Variants in PKD1L1 observed in about 807,000 individuals in gnomAD.
PKD1L1 encodes polycystin 1 like 1, transient receptor potential channel interacting.
In PKD1L1, 236 loss-of-function variants were observed where a neutral mutation model predicts 323.4. The observed-to-expected ratio is 0.73, with a 90% confidence interval of 0.66 to 0.81. The LOEUF (loss-of-function observed/expected upper bound fraction) is 0.81. PKD1L1 is among the 40% of genes least tolerant of loss of function. The pLI, the probability that PKD1L1 is intolerant of heterozygous loss-of-function variation, is 0.00. For missense variants in PKD1L1, 3,320 were observed against 3,508.0 expected (o/e 0.95, Z 1.35); for synonymous variants, 1,344 against 1,335.0 (o/e 1.01, Z -0.15).
rs145760521 is a variant in PKD1L1 at position 47,890,190 on chromosome 7, C to A, written c.2675+352G>T. ...TGGCCCTGAAACCCCTGGCTGGGAA[C>A]TTGATGGCTTTGCCTCCTGGCTTCA... On this transcript the variant is annotated intron_variant, in intron 16 of 56. Coordinates refer to ENST00000289672, the MANE Select transcript of PKD1L1 (RefSeq NM_138295.5). Among the ~76,000 whole-genome samples the A allele has an allele frequency of 2.6e-3, 391 of 152,332 alleles. 1 individual carries two copies. The highest frequency in any genetic ancestry group is 3.6e-3 in the Non-Finnish European group (243 of 68,040).
In PKD1L1 at chr7:47,934,752, G is replaced by T. The variant is rs1043285076; in HGVS notation, c.398+2094C>A. Reference sequence around the variant, plus strand: ...GTAAAGGGCCTCAGAACAGGGACTGGCTTGGGGGTGGGGGGATTGCGCTCA... The same window carrying T: ...GTAAAGGGCCTCAGAACAGGGACTGTCTTGGGGGTGGGGGGATTGCGCTCA... On this transcript the variant is annotated intron_variant, in intron 4 of 56. Transcript: ENST00000289672. Among the ~76,000 whole-genome samples, 7 of 152,262 alleles carry T rather than the reference G, an allele frequency of 4.6e-5. No homozygotes were observed. In the East Asian group the frequency reaches 1.4e-3, roughly 29 times the overall value.
intron 27 of PKD1L1, among the ~76,000 whole-genome samples, chr7:47,858,100 C>T (rs920082022): frequency 7.9e-5 from 12 of 151,888 alleles, no homozygotes; most frequent in Non-Finnish European, 1.2e-4. Context: ...AGTAGCCATC[C>T]GTTAAATAAG....
At chr7:47,832,165 A>G (rs1785360393) in intron 41 of PKD1L1, among the ~76,000 whole-genome samples, 2 of 152,184 alleles carry the variant, frequency 1.3e-5, no homozygotes, top group Admixed American at 1.3e-4. Context: ...GCTGAACATA[A>G]ATCAAAGAAT....
At chr7:47,871,651 A>G (rs1786281513) in intron 24 of PKD1L1, among the ~76,000 whole-genome samples, 1 of 152,166 alleles carries the variant, frequency 6.6e-6, no homozygotes, top group African/African-American at 2.4e-5. Flanking sequence ...TAACAAATTA[A>G]TGGACTAAGG....
chr7:47,820,509 G>A lies in PKD1L1; in HGVS notation c.6965+567C>T, dbSNP rs141977594. 4.5e-3 allele frequency among the ~76,000 whole-genome samples: 690 copies of A among 152,280 alleles called. 7 individuals are homozygous for A. The highest frequency in any genetic ancestry group is 0.015 in the African/African-American group (643 of 41,558). ...GGAGGCCGAGGCGGGTGGATCACTT[G>A]AGGTCAGGAGTTCAAGACCAGCCTG... On this transcript the variant is annotated intron_variant, in intron 46 of 56. Coordinates refer to ENST00000289672, the MANE Select transcript of PKD1L1 (RefSeq NM_138295.5).
chr7:47,795,970 C>A lies in PKD1L1; in HGVS notation c.8355+19G>T, dbSNP rs375149947. ...AGTGTGTGCTATCATGCTCAGTAAT[C>A]CAAGATCTCACAGCTTACGTGATTC... On this transcript the variant is annotated intron_variant, in intron 55 of 56. Transcript: ENST00000289672. The A allele has an allele frequency of 1.2e-5, 20 of 1,605,546 alleles. No homozygotes were observed. The African/African-American group carries it at 2.4e-4, about 19-fold the overall frequency.
At chr7:47,945,190 G>A (rs1454955022) in intron 1 of PKD1L1, among the ~76,000 whole-genome samples, 2 of 152,196 alleles carry the variant, frequency 1.3e-5, no homozygotes, top group African/African-American at 2.4e-5. Context: ...TAAATGCTTG[G>A]TAACCAGCTG....
chr7:47,783,344 A>G (rs1562928176), intron 56 of PKD1L1, among the ~76,000 whole-genome samples: 1 of 152,234 alleles, frequency 6.6e-6, no homozygotes, highest in South Asian at 2.1e-4. Flanking sequence ...TACACAGAGT[A>G]AAAAAGAAGA....
chr7:47,804,523 G>A (rs546515318), intron 52 of PKD1L1, among the ~76,000 whole-genome samples: 3 of 142,984 alleles, frequency 2.1e-5, no homozygotes, highest in East Asian at 2.1e-4. Flanking sequence ...CCAGGCTTGA[G>A]TGGCAGGATC....
At chr7:47,828,698 C>A (rs946881965) in intron 44 of PKD1L1, among the ~76,000 whole-genome samples, 7 of 152,206 alleles carry the variant, frequency 4.6e-5, no homozygotes, top group African/African-American at 1.7e-4. Context: ...CACCCATCTT[C>A]AGCAGCAGCA....
At chr7:47,798,761 A>G (rs1231963491) in intron 54 of PKD1L1, among the ~76,000 whole-genome samples, 1 of 150,998 alleles carries the variant, frequency 6.6e-6, no homozygotes, top group Non-Finnish European at 1.5e-5. Flanking sequence ...TCTCAAAAAA[A>G]AAAAACAAAA....
At chr7:47,957,927 A>G in the PKD1L1 span, among the ~76,000 whole-genome samples, 1 of 150,270 alleles carries the variant, frequency 6.7e-6, no homozygotes, top group Non-Finnish European at 1.5e-5. Flanking sequence ...TGAAAACTAT[A>G]AAACACTGAT....
intron 1 of PKD1L1, among the ~76,000 whole-genome samples, chr7:47,945,404 C>A (rs1196063846): frequency 6.6e-6 from 1 of 152,124 alleles, no homozygotes; most frequent in Non-Finnish European, 1.5e-5. Context: ...CACCAGAGGG[C>A]AGACGAGGAC....
At chr7:47,956,234 C>G in the PKD1L1 span, among the ~76,000 whole-genome samples, 1 of 152,186 alleles carries the variant, frequency 6.6e-6, no homozygotes, top group African/African-American at 2.4e-5. Flanking sequence ...TAGCACCGCA[C>G]TTGGAGAATT....
At chr7:47,796,262 G>A (rs1017541511) in intron 54 of PKD1L1, 112 bp from the exon 55 acceptor site, 4 of 1,032,462 alleles carry the variant, frequency 3.9e-6, no homozygotes, top group Non-Finnish European at 5.4e-6. Flanking sequence ...GCTACTTTAC[G>A]AGCTTTTGGT....
At chr7:47,921,238 C>CAAAAAAAAAAAAAAAAA (rs139205889) in intron 7 of PKD1L1, among the ~76,000 whole-genome samples, 2 of 79,594 alleles carry the variant, frequency 2.5e-5, no homozygotes, top group Non-Finnish European at 2.3e-5. Flanking sequence ...AGACAATTCT[C>CAAAAAAAAAAAAAAAAA]AAAAAAAAAA....
Position 47,873,907 on chromosome 7 carries a change from G to C in PKD1L1, c.3888C>G (p.Gly1296=). 6.2e-7 allele frequency: 1 copy of C among 1,612,804 alleles called. No individual in the cohort carries two copies. The highest frequency in any genetic ancestry group is 8.5e-7 in the Non-Finnish European group (1 of 1,179,096). The change falls in exon 24 of 57, where the codon GGC becomes GGG. Residue 1296 remains glycine (G), a synonymous_variant. Coordinates refer to ENST00000289672, the MANE Select transcript of PKD1L1 (RefSeq NM_138295.5). The stretch of plus-strand genomic sequence containing the variant: ...GGCATTGTGTTACTCACAGGTCCTC[G>C]CCCAGACAGTCATTTCCATGGTAGC... The part of the protein sequence containing the change: ...LPRYHGNDCL[G]EDLYNSSLKN...
intron 36 of PKD1L1, among the ~76,000 whole-genome samples, chr7:47,837,803 G>A (rs6979042): frequency 0.016 from 2,395 of 152,152 alleles, 78 homozygotes; most frequent in African/African-American, 0.055. Context: ...GCTCAATATT[G>A]TTCTAGAAAA....
At chr7:47,882,156 C>T (rs1786571191) in intron 19 of PKD1L1, 71 bp from the exon 20 acceptor site, 8 of 1,441,946 alleles carry the variant, frequency 5.5e-6, no homozygotes, top group Non-Finnish European at 7.7e-6. Context: ...ATTAGTGATT[C>T]AATGCTGATA....
Sources: gnomAD v4.1 joint callset for allele counts (sites outside exome capture counted in the v4.1 genomes callset) on GRCh38, gnomAD v4.1.1 for gene constraint, MANE v1.5 for transcripts, NCBI Gene and HGNC (gene_info 2026-07-23, HGNC 2026-07-21) for gene names.